The following ZNF385B variants were observed in gnomAD, a reference collection of about 807,000 sequenced individuals.
ZNF385B encodes zinc finger protein 385B.
In ZNF385B, 23 loss-of-function variants were observed where a neutral mutation model predicts 39.2. The observed-to-expected ratio is 0.59, with a 90% CI of 0.42 to 0.83. The LOEUF (loss-of-function observed/expected upper bound fraction) is 0.83. Among genes scored for constraint, ZNF385B ranks in the 40% least tolerant of loss-of-function variants. The pLI is 0.00. For missense variants in ZNF385B, 552 were observed against 598.9 expected (o/e 0.92, Z 0.82); for synonymous variants, 205 against 222.6 (o/e 0.92, Z 0.70).
intron 1 of ZNF385B, among the ~76,000 whole-genome samples, chr2:179,831,654 C>T (rs920447319): frequency 2.0e-5 from 3 of 152,162 alleles, no homozygotes; most frequent in Admixed American, 6.5e-5. Context: ...GATACCAGTG[C>T]TCTCATGGGC....
chr2:179,756,557 A>C (rs375033599), intron 3 of ZNF385B, among the ~76,000 whole-genome samples: 1 of 152,186 alleles, frequency 6.6e-6, no homozygotes, highest in Non-Finnish European at 1.5e-5. Context: ...TCTCCTGGAT[A>C]ATATCCTGAA....
chr2:179,778,487 G>T (rs147886982), intron 1 of ZNF385B, among the ~76,000 whole-genome samples: 2 of 152,170 alleles, frequency 1.3e-5, no homozygotes, highest in African/African-American at 2.4e-5. Context: ...AGGCAACATA[G>T]GCAATTGAAT....
At chr2:179,826,183 T>C (rs1230148861) in intron 1 of ZNF385B, among the ~76,000 whole-genome samples, 1 of 152,166 alleles carries the variant, frequency 6.6e-6, no homozygotes, top group African/African-American at 2.4e-5. Context: ...GGGTTTGGAA[T>C]TGTCAAACAA....
intron 3 of ZNF385B, among the ~76,000 whole-genome samples, chr2:179,677,998 A>C (rs563429722): frequency 1.3e-5 from 2 of 152,304 alleles, no homozygotes; most frequent in South Asian, 4.1e-4. Flanking sequence ...CCCCCTTAGC[A>C]AGGATGATAT....
At chr2:179,804,242 G>A (rs765808599) in intron 1 of ZNF385B, among the ~76,000 whole-genome samples, 3 of 151,980 alleles carry the variant, frequency 2.0e-5, no homozygotes, top group Admixed American at 1.3e-4. Flanking sequence ...CTCACATAGA[G>A]GGAAGACCTC....
At chr2:179,443,873 C>T (rs1480396727) in intron 9 of ZNF385B, among the ~76,000 whole-genome samples, 1 of 152,192 alleles carries the variant, frequency 6.6e-6, no homozygotes, top group Non-Finnish European at 1.5e-5. Context: ...TGATCCTTCC[C>T]TTCTCTTAGA....
Position 179,620,233 on chromosome 2 carries a change from C to A in ZNF385B, c.299-75264G>T, listed in dbSNP as rs368686606. On this transcript the variant is annotated intron_variant, in intron 3 of 9. Transcript: ENST00000410066. Reference sequence around the variant, plus strand: ...TTCATCTAGCTGATTGAGGCTTCCCCTGATTGCAAAATCCCTACTGTAGAT... The same window carrying A: ...TTCATCTAGCTGATTGAGGCTTCCCATGATTGCAAAATCCCTACTGTAGAT... Among the ~76,000 whole-genome samples the A allele has an allele frequency of 4.1e-4, 63 of 152,276 alleles. 1 individual carries two copies. Among genetic ancestry groups the A allele is most frequent in the African/African-American group, 1.5e-3 (63 of 41,568 alleles).
chr2:179,504,022 C>A (rs1212700403), intron 5 of ZNF385B, among the ~76,000 whole-genome samples: 1 of 146,866 alleles, frequency 6.8e-6, no homozygotes, highest in Non-Finnish European at 1.5e-5. Flanking sequence ...GCTATCCCTC[C>A]CCCCTCTCCC....
intron 3 of ZNF385B, among the ~76,000 whole-genome samples, chr2:179,677,796 G>T (rs4893880): frequency 0.12 from 18,556 of 151,976 alleles, 1,466 homozygotes; most frequent in South Asian, 0.19. Context: ...TTTTTTCCCC[G>T]TCCACTTCAC....
intron 3 of ZNF385B, among the ~76,000 whole-genome samples, chr2:179,576,882 T>C (rs1373046493): frequency 6.6e-6 from 1 of 152,154 alleles, no homozygotes; most frequent in Non-Finnish European, 1.5e-5. Flanking sequence ...TTGATCATCT[T>C]GTTCCAGGAA....
chr2:179,485,273 A>G, intron 5 of ZNF385B, among the ~76,000 whole-genome samples: 1 of 152,202 alleles, frequency 6.6e-6, no homozygotes, highest in East Asian at 1.9e-4. Context: ...CTTGGTTATT[A>G]TCAATCCTCC....
At chr2:179,621,062 A>C (rs16866861) in intron 3 of ZNF385B, among the ~76,000 whole-genome samples, 4,611 of 152,144 alleles carry the variant, frequency 0.03, 92 homozygotes, top group Non-Finnish European at 0.045. Flanking sequence ...CATACTAACC[A>C]GGTGGTATGC....
At chr2:179,807,814 G>C (rs1396282759) in intron 1 of ZNF385B, among the ~76,000 whole-genome samples, 1 of 150,964 alleles carries the variant, frequency 6.6e-6, no homozygotes, top group African/African-American at 2.4e-5. Context: ...AGAATGGCCT[G>C]AACCCGGGAG....
chr2:179,755,483 TCCTTGTTAA>T (rs1702956011), intron 3 of ZNF385B, among the ~76,000 whole-genome samples: 1 of 152,198 alleles, frequency 6.6e-6, no homozygotes, highest in South Asian at 2.1e-4. Context: ...GTCCTGGATA[TCCTTGTTAA>T]CCTTCTGTCT....
At position 179,572,100 on chromosome 2, in the gene ZNF385B, T is replaced by C. The variant is rs552442713; in HGVS notation, c.299-27131A>G. Among the ~76,000 whole-genome samples the C allele has an allele frequency of 9.3e-4, 142 of 152,244 alleles. 2 individuals carry two copies. In the South Asian group the frequency reaches 0.019, roughly 20 times the overall value. ...GTGAGGACTAGGGTGTCTACCTTCT[T>C]GTTGAACAGGACAGGAGGTGGGCCA... On this transcript the variant is annotated intron_variant, in intron 3 of 9. Transcript: ENST00000410066.
intron 1 of ZNF385B, among the ~76,000 whole-genome samples, chr2:179,844,337 G>A (rs1031929717): frequency 2.6e-5 from 4 of 152,274 alleles, no homozygotes; most frequent in South Asian, 4.1e-4. Context: ...GGGTTCTAGA[G>A]TCAATGAGGC....
intron 6 of ZNF385B, among the ~76,000 whole-genome samples, chr2:179,455,810 T>C (rs971975788): frequency 6.7e-6 from 1 of 149,688 alleles, no homozygotes; most frequent in Non-Finnish European, 1.5e-5. Flanking sequence ...GAGAATCTCT[T>C]GAACCCAGGA....
At chr2:179,584,957 A>C (rs1226882529) in intron 3 of ZNF385B, among the ~76,000 whole-genome samples, 1 of 152,170 alleles carries the variant, frequency 6.6e-6, no homozygotes, top group Non-Finnish European at 1.5e-5. Context: ...ACACACAGAG[A>C]GCAAATGAGG....
chr2:179,660,668 ATTGT>A (rs1409279986), intron 3 of ZNF385B, among the ~76,000 whole-genome samples: 3 of 152,146 alleles, frequency 2.0e-5, no homozygotes, highest in African/African-American at 2.4e-5. Context: ...TTCATGATGG[ATTGT>A]TTGTTTGACT....
Sources: gnomAD v4.1 joint callset for allele counts (sites outside exome capture counted in the v4.1 genomes callset) on GRCh38, gnomAD v4.1.1 for gene constraint, MANE v1.5 for transcripts, NCBI Gene and HGNC (gene_info 2026-07-23, HGNC 2026-07-21) for gene names.